FBXO15: variants seen among roughly 807,000 people sequenced by gnomAD.
FBXO15 encodes the protein F-box only protein 15.
Under a neutral mutation model 49.5 loss-of-function variants are expected in FBXO15, and 30 were observed. The ratio of observed to expected loss-of-function variants is 0.61; its 90% CI spans 0.45 to 0.82. The LOEUF (loss-of-function observed/expected upper bound fraction) is 0.82, where lower values mean the gene tolerates loss of function less well. Among genes scored for constraint, FBXO15 ranks in the 40% least tolerant of loss-of-function variants. The pLI, the probability that FBXO15 is intolerant of heterozygous loss-of-function variation, is 0.00. For synonymous variants in FBXO15, 250 were observed against 232.7 expected, an observed-to-expected ratio of 1.07 and a Z score of -0.68; for missense variants, 591 against 631.5, an observed-to-expected ratio of 0.94 and a Z score of 0.69.
chr18:74,116,090 C>G (rs1914219369), intron 8 of FBXO15, among the ~76,000 whole-genome samples: 1 of 151,400 alleles, frequency 6.6e-6, no homozygotes, highest in African/African-American at 2.4e-5. Flanking sequence ...GTTTAATTAC[C>G]AAAAAAAAGG....
intron 8 of FBXO15, among the ~76,000 whole-genome samples, chr18:74,096,474 A>AT (rs1439250256): frequency 6.6e-6 from 1 of 152,130 alleles, no homozygotes; most frequent in Non-Finnish European, 1.5e-5. Context: ...TAGAGCCAAA[A>AT]AGGAGCCAAC....
At chr18:74,093,404 A>C (rs1166864199) in intron 8 of FBXO15, among the ~76,000 whole-genome samples, 2 of 152,142 alleles carry the variant, frequency 1.3e-5, no homozygotes, top group East Asian at 3.9e-4. Flanking sequence ...GTGGTCTGCC[A>C]GTGCAGGAGC....
At chr18:74,127,569 G>T (rs574353494) in intron 5 of FBXO15, among the ~76,000 whole-genome samples, 1 of 152,204 alleles carries the variant, frequency 6.6e-6, no homozygotes, top group African/African-American at 2.4e-5. Flanking sequence ...ACACAGATGC[G>T]TACAAGGATT....
At chr18:74,106,440 C>G (rs192313844) in intron 8 of FBXO15, among the ~76,000 whole-genome samples, 1 of 152,034 alleles carries the variant, frequency 6.6e-6, no homozygotes, top group Admixed American at 6.6e-5. Flanking sequence ...ACCAATTGAA[C>G]ATGAATAATG....
intron 2 of FBXO15, among the ~76,000 whole-genome samples, chr18:74,139,050 C>A (rs548603904): frequency 6.6e-6 from 1 of 152,250 alleles, no homozygotes; most frequent in African/African-American, 2.4e-5. Flanking sequence ...ATCTGGAGCC[C>A]CCACCACCAC....
At chr18:74,113,356 C>A (rs1313395747) in intron 8 of FBXO15, among the ~76,000 whole-genome samples, 1 of 152,152 alleles carries the variant, frequency 6.6e-6, no homozygotes, top group African/African-American at 2.4e-5. Flanking sequence ...GCTCTGTATA[C>A]TACTGTAATA....
chr18:74,099,522 A>T (rs1425377414), intron 8 of FBXO15: 1 of 152,196 alleles, frequency 6.6e-6, no homozygotes, highest in African/African-American at 2.4e-5. Context: ...AATTAAAAAA[A>T]GGTATACAGG....
intron 3 of FBXO15, among the ~76,000 whole-genome samples, chr18:74,131,696 A>C (rs1978403042): frequency 6.6e-6 from 1 of 152,258 alleles, no homozygotes; most frequent in South Asian, 2.1e-4. Flanking sequence ...GGCAGCGGTT[A>C]AAATCAATTC....
chr18:74,081,997 C>T lies in FBXO15; in HGVS notation c.1193G>A (p.Arg398Lys). ...KLIVIHLKNN[R>K]EHLPLIGKVG... ...TTTTCCAATAAGAGGTAGGTGTTCT[C>T]TGTTATTTTTTAAATGTATAACAAT... Residue 398 changes from arginine (R) to lysine (K), a missense_variant, in exon 9 of 10, where the codon AGA becomes AAA. Arg to Lys is a conservative substitution (Grantham distance 26). Transcript: ENST00000419743. 1.2e-6 allele frequency: 2 copies of T among 1,612,540 alleles called. No homozygotes were observed. The highest frequency in any genetic ancestry group is 1.7e-6 in the Non-Finnish European group (2 of 1,178,930).
chr18:74,090,157 C>T (rs764126812), intron 8 of FBXO15, among the ~76,000 whole-genome samples: 17 of 152,020 alleles, frequency 1.1e-4, no homozygotes, highest in Non-Finnish European at 1.8e-4. Context: ...AGGGTGTATG[C>T]GCCCAGGAAT....
chr18:74,103,166 G>A (rs1913600415), intron 8 of FBXO15, among the ~76,000 whole-genome samples: 1 of 151,934 alleles, frequency 6.6e-6, no homozygotes, highest in Non-Finnish European at 1.5e-5. Flanking sequence ...TTAGCAAACA[G>A]ATTGAAATAA....
At chr18:74,132,098 T>C (rs1020137966) in intron 3 of FBXO15, among the ~76,000 whole-genome samples, 1 of 152,252 alleles carries the variant, frequency 6.6e-6, no homozygotes, top group Non-Finnish European at 1.5e-5. Context: ...CATGCCTAGC[T>C]TTTATATTAA....
chr18:74,097,874 A>G (rs1038789069), intron 8 of FBXO15: 4 of 152,154 alleles, frequency 2.6e-5, no homozygotes, highest in African/African-American at 4.8e-5. Flanking sequence ...CTCCCTTGCC[A>G]CCTCCACTGG....
Position 74,100,827 on chromosome 18 carries a change from G to A in FBXO15, c.1139-18776C>T, listed in dbSNP as rs140789029. Among the ~76,000 whole-genome samples the A allele has an allele frequency of 3.4e-3, 514 of 152,114 alleles. 5 individuals carry two copies. Among genetic ancestry groups the A allele is most frequent in the African/African-American group, 9.0e-3 (373 of 41,514 alleles). On this transcript the variant is annotated intron_variant, in intron 8 of 9. Transcript: ENST00000419743. ...ACCTAGGTGAGATGGATAAATTCCCGGAAAGATACAACCCTCCTAGCTTAA... is the reference window on the plus strand; with the variant it reads ...ACCTAGGTGAGATGGATAAATTCCCAGAAAGATACAACCCTCCTAGCTTAA...
At chr18:74,098,404 T>C (rs563590825) in intron 8 of FBXO15, 1 of 152,172 alleles carries the variant, frequency 6.6e-6, no homozygotes, top group African/African-American at 2.4e-5. Flanking sequence ...TTCAGTGAAA[T>C]TGAGAGCATA....
chr18:74,146,275 C>G (rs1381809542), intron 1 of FBXO15, among the ~76,000 whole-genome samples: 1 of 152,134 alleles, frequency 6.6e-6, no homozygotes, highest in Admixed American at 6.5e-5. Context: ...TTTTCCACAG[C>G]GATATATTAA....
chr18:74,124,038 G>T (rs1049848246), intron 7 of FBXO15, among the ~76,000 whole-genome samples: 1 of 151,918 alleles, frequency 6.6e-6, no homozygotes, highest in Admixed American at 6.6e-5. Flanking sequence ...CAGGAAAAGG[G>T]TGAGAGCTGT....
intron 8 of FBXO15, among the ~76,000 whole-genome samples, chr18:74,083,002 T>C (rs977762559): frequency 2.6e-5 from 4 of 152,204 alleles, no homozygotes; most frequent in African/African-American, 9.6e-5. Flanking sequence ...TTATACAGTG[T>C]TCTCCAACTT....
intron 8 of FBXO15, among the ~76,000 whole-genome samples, chr18:74,104,323 A>G (rs1913653297): frequency 6.6e-6 from 1 of 152,198 alleles, no homozygotes; most frequent in African/African-American, 2.4e-5. Flanking sequence ...AAATTAAAAT[A>G]TTCTACCAGA....
Sources: allele counts gnomAD v4.1 joint callset (sites outside exome capture counted in the v4.1 genomes callset), GRCh38; gene constraint gnomAD v4.1.1; transcripts MANE v1.5; gene names NCBI Gene and HGNC (gene_info 2026-07-23, HGNC 2026-07-21).